ROBO1: variants seen among roughly 807,000 people sequenced by gnomAD.
The protein encoded by ROBO1 is roundabout homolog 1.
Under a neutral mutation model 195.9 loss-of-function variants are expected in ROBO1, and 149 were observed. The ratio of observed to expected loss-of-function variants is 0.76; its 90% CI spans 0.67 to 0.87. ROBO1 has a LOEUF of 0.87. Among genes scored for constraint, ROBO1 ranks in the 40% least tolerant of loss-of-function variants. The probability of loss-of-function intolerance (pLI) is 0.00; values close to 1 mark genes in which losing one functional copy is unlikely to be tolerated. For synonymous variants in ROBO1, 816 were observed against 733.2 expected, an observed-to-expected ratio of 1.11 and a Z score of -1.82; for missense variants, 1,933 against 2,068.3, an observed-to-expected ratio of 0.93 and a Z score of 1.27.
At position 79,156,832 on chromosome 3, in the gene ROBO1, G is replaced by A. The variant is rs577886210; in HGVS notation, c.89-31293C>T. On this transcript the variant is annotated intron_variant, in intron 2 of 30. Transcript: ENST00000464233. ...GAAAGTAAACTATTGAGGTTGGTAA[G>A]GAGAATATGAATTAGGGCGTCTACA... is the stretch of plus-strand genomic sequence containing the variant. Among the ~76,000 whole-genome samples, 5 of 151,960 alleles carry A rather than the reference G, an allele frequency of 3.3e-5. No individual in the cohort carries two copies. In the South Asian group the frequency reaches 8.3e-4, roughly 25 times the overall value.
At chr3:79,751,321 A>T (rs1347582588) in intron 1 of ROBO1, among the ~76,000 whole-genome samples, 2 of 152,184 alleles carry the variant, frequency 1.3e-5, no homozygotes, top group Non-Finnish European at 2.9e-5. Flanking sequence ...TTATTGTATT[A>T]TCATATCATT....
intron 4 of ROBO1, among the ~76,000 whole-genome samples, chr3:78,798,512 G>T (rs1038395308): frequency 1.3e-5 from 2 of 152,308 alleles, no homozygotes; most frequent in South Asian, 2.1e-4. Flanking sequence ...TGAATGTGAA[G>T]AACAAATATA....
intron 2 of ROBO1, among the ~76,000 whole-genome samples, chr3:79,396,679 A>C (rs1452561650): frequency 6.6e-6 from 1 of 152,118 alleles, no homozygotes; most frequent in Non-Finnish European, 1.5e-5. Flanking sequence ...GGCATATTTT[A>C]GATCCATTGT....
At chr3:78,985,945 A>G (rs1416229155) in intron 3 of ROBO1, among the ~76,000 whole-genome samples, 2 of 152,146 alleles carry the variant, frequency 1.3e-5, no homozygotes, top group Non-Finnish European at 2.9e-5. Context: ...CAATGAAAAG[A>G]AGGAGGGGCA....
At chr3:78,816,564 A>C (rs1228422829) in intron 4 of ROBO1, among the ~76,000 whole-genome samples, 2 of 152,130 alleles carry the variant, frequency 1.3e-5, no homozygotes, top group Admixed American at 1.3e-4. Context: ...TAAATAGAAA[A>C]CGTTCTGGAA....
intron 2 of ROBO1, among the ~76,000 whole-genome samples, chr3:79,141,362 T>C (rs549315250): frequency 6.6e-6 from 1 of 152,296 alleles, no homozygotes; most frequent in Admixed American, 6.5e-5. Flanking sequence ...CTGCCTTTCT[T>C]AACCACAGTC....
chr3:79,723,171 G>T lies in ROBO1; in HGVS notation c.-51+44581C>A, dbSNP rs142216192. ...ACCATTCCCGTGACAATGTTGGATCGTACAAGGATTGAACAGATGGAATGT... is the reference window on the plus strand; with the variant it reads ...ACCATTCCCGTGACAATGTTGGATCTTACAAGGATTGAACAGATGGAATGT... On this transcript the variant is annotated intron_variant, in intron 1 of 30. Transcript: ENST00000464233. Among the ~76,000 whole-genome samples the T allele has an allele frequency of 2.6e-5, 4 of 152,216 alleles. No homozygotes were observed. The South Asian group carries it at 8.3e-4, about 32-fold the overall frequency.
chr3:78,870,469 G>A (rs1178642924), intron 4 of ROBO1, among the ~76,000 whole-genome samples: 1 of 152,166 alleles, frequency 6.6e-6, no homozygotes, highest in African/African-American at 2.4e-5. Flanking sequence ...TTCTCAGAAG[G>A]ACAGAAGAGG....
At chr3:78,790,850 G>A (rs370505274) in intron 4 of ROBO1, among the ~76,000 whole-genome samples, 17 of 152,180 alleles carry the variant, frequency 1.1e-4, no homozygotes, top group Admixed American at 3.9e-4. Flanking sequence ...TGTAATTCTA[G>A]GTCACATATG....
rs185851554 is a variant in ROBO1, at chr3:79,678,204, T to C, written c.-50-88243A>G. Among the ~76,000 whole-genome samples the C allele has an allele frequency of 7.9e-5, 12 of 152,078 alleles. No individual in the cohort carries two copies. In the East Asian group the frequency reaches 2.3e-3, roughly 30 times the overall value. On this transcript the variant is annotated intron_variant, in intron 1 of 30. Transcript: ENST00000464233. ...TTTCTAAACCTTTAGTTTCCTTCTG[T>C]ATAATGGAAATTAGAGCACTATGTA...
At chr3:79,686,660 G>A (rs930522356) in intron 1 of ROBO1, among the ~76,000 whole-genome samples, 2 of 152,050 alleles carry the variant, frequency 1.3e-5, no homozygotes, top group African/African-American at 4.8e-5. Context: ...AAACTTACAA[G>A]GGAAGTGAAG....
chr3:79,252,529 GT>G (rs1169560520), intron 2 of ROBO1, among the ~76,000 whole-genome samples: 40 of 152,092 alleles, frequency 2.6e-4, no homozygotes, highest in Admixed American at 6.6e-4. Context: ...CTTGATTTTG[GT>G]TTTTCGGCTT....
chr3:79,358,341 G>A (rs1175147839), intron 2 of ROBO1, among the ~76,000 whole-genome samples: 2 of 151,982 alleles, frequency 1.3e-5, no homozygotes, highest in Admixed American at 6.6e-5. Context: ...TAAGTCATCG[G>A]GGTCCAAAGG....
At chr3:78,714,260 T>C in intron 8 of ROBO1, 137 bp downstream of exon 8, 1 of 811,134 alleles carries the variant, frequency 1.2e-6, no homozygotes, top group Non-Finnish European at 1.8e-6. Flanking sequence ...GTTCTTTAAA[T>C]ATGTTTGAAA....
intron 2 of ROBO1, among the ~76,000 whole-genome samples, chr3:79,566,525 C>T (rs1415274521): frequency 6.6e-6 from 1 of 152,000 alleles, no homozygotes; most frequent in South Asian, 2.1e-4. Context: ...TTAAAAAAGT[C>T]TTTTAAATAT....
At chr3:79,698,732 C>G (rs1947520744) in intron 1 of ROBO1, among the ~76,000 whole-genome samples, 1 of 151,442 alleles carries the variant, frequency 6.6e-6, no homozygotes, top group Non-Finnish European at 1.5e-5. Flanking sequence ...GAAAGTATTG[C>G]TGGCACAATA....
At chr3:79,558,361 C>T (rs1381027360) in intron 2 of ROBO1, among the ~76,000 whole-genome samples, 3 of 152,104 alleles carry the variant, frequency 2.0e-5, no homozygotes, top group Non-Finnish European at 4.4e-5. Context: ...ATGTTTTTTT[C>T]TTACGACATT....
intron 2 of ROBO1, among the ~76,000 whole-genome samples, chr3:79,370,772 C>A (rs376092142): frequency 6.6e-6 from 1 of 151,910 alleles, no homozygotes; most frequent in East Asian, 1.9e-4. Flanking sequence ...ACACCTACCA[C>A]CCCATCATCT....
At chr3:79,019,530 TA>T (rs978672026) in intron 3 of ROBO1, 2 of 985,868 alleles carry the variant, frequency 2.0e-6, no homozygotes, top group African/African-American at 3.5e-5. Flanking sequence ...CGATAATACT[TA>T]AAGGGGCCGC....
Sources: allele counts gnomAD v4.1 joint callset (sites outside exome capture counted in the v4.1 genomes callset), GRCh38; gene constraint gnomAD v4.1.1; transcripts MANE v1.5; gene names NCBI Gene and HGNC (gene_info 2026-07-23, HGNC 2026-07-21).